Variants in VWA8 observed in about 807,000 individuals in gnomAD.
The protein encoded by VWA8 is von Willebrand factor A domain-containing protein 8.
A neutral mutation model predicts 241.5 loss-of-function variants in VWA8; 221 were observed. The ratio of observed to expected loss-of-function variants is 0.91; its 90% CI spans 0.82 to 1.02. The LOEUF (loss-of-function observed/expected upper bound fraction) is 1.02, where lower values mean the gene tolerates loss of function less well. Ranked by LOEUF, VWA8 falls within the 50% of genes least tolerant of loss-of-function variation. The pLI is 0.00. For synonymous variants in VWA8, 852 were observed against 827.1 expected, an observed-to-expected ratio of 1.03 and a Z score of -0.52; for missense variants, 2,322 against 2,328.7, an observed-to-expected ratio of 1.00 and a Z score of 0.06.
intron 9 of VWA8, among the ~76,000 whole-genome samples, chr13:41,875,917 T>C (rs774836790): frequency 8.6e-5 from 13 of 152,042 alleles, no homozygotes; most frequent in Non-Finnish European, 1.5e-4. Flanking sequence ...ATCAAATATG[T>C]CCAATACTCA....
chr13:41,948,970 A>G (rs775126798), intron 2 of VWA8, among the ~76,000 whole-genome samples: 16 of 150,834 alleles, frequency 1.1e-4, no homozygotes, highest in Admixed American at 3.3e-4. Context: ...CACACATACA[A>G]CCATACCATG....
chr13:41,745,469 G>C (rs983201474), intron 21 of VWA8, among the ~76,000 whole-genome samples: 17 of 151,998 alleles, frequency 1.1e-4, no homozygotes, highest in Non-Finnish European at 1.9e-4. Flanking sequence ...CTGACAAAGG[G>C]CTAATATCCA....
intron 2 of VWA8, among the ~76,000 whole-genome samples, chr13:41,932,288 A>G (rs530024310): frequency 3.3e-5 from 5 of 152,262 alleles, no homozygotes; most frequent in African/African-American, 1.2e-4. Context: ...TTGAATGACT[A>G]TATCTATGAA....
intron 38 of VWA8, among the ~76,000 whole-genome samples, chr13:41,614,386 G>C (rs1447137841): frequency 6.6e-6 from 1 of 152,180 alleles, no homozygotes; most frequent in Non-Finnish European, 1.5e-5. Context: ...GAGGAAAAAG[G>C]AAGACGGCAG....
At chr13:41,931,572 C>T (rs1406161312) in intron 2 of VWA8, among the ~76,000 whole-genome samples, 1 of 151,878 alleles carries the variant, frequency 6.6e-6, no homozygotes, top group African/African-American at 2.4e-5. Context: ...TTTTTAGCTG[C>T]TTTTGCCAAA....
At chr13:41,718,119 C>A (rs540359417) in intron 26 of VWA8, among the ~76,000 whole-genome samples, 1 of 151,798 alleles carries the variant, frequency 6.6e-6, no homozygotes. Context: ...TATTTATAGT[C>A]ATGCAAGAGT....
At chr13:41,808,444 G>A (rs921693626) in intron 17 of VWA8, among the ~76,000 whole-genome samples, 2 of 152,116 alleles carry the variant, frequency 1.3e-5, no homozygotes, top group Non-Finnish European at 2.9e-5. Flanking sequence ...CACATTGTCA[G>A]AGCAGGAGAA....
At chr13:41,918,758 C>T (rs1429029409) in intron 2 of VWA8, among the ~76,000 whole-genome samples, 1 of 151,770 alleles carries the variant, frequency 6.6e-6, no homozygotes, top group African/African-American at 2.4e-5. Context: ...GGTAAGAAAA[C>T]ATTCTGTATA....
intron 26 of VWA8, among the ~76,000 whole-genome samples, chr13:41,719,049 C>A (rs2045364774): frequency 6.6e-6 from 1 of 151,812 alleles, no homozygotes; most frequent in African/African-American, 2.4e-5. Context: ...AAGTAGTAGC[C>A]TATGATTATA....
chr13:41,691,019 C>T (rs1405949799), intron 32 of VWA8, among the ~76,000 whole-genome samples: 1 of 152,050 alleles, frequency 6.6e-6, no homozygotes, highest in Non-Finnish European at 1.5e-5. Context: ...TGAAGTGTCT[C>T]CAGTTTAGCA....
chr13:41,613,318 G>C (rs529839318), intron 38 of VWA8, among the ~76,000 whole-genome samples: 1 of 152,120 alleles, frequency 6.6e-6, no homozygotes, highest in South Asian at 2.1e-4. Flanking sequence ...ATGGGTGGTG[G>C]AAAATTCCTT....
At position 41,677,095 on chromosome 13, in the gene VWA8, CT is replaced by C. The variant is rs533508830; in HGVS notation, c.4328-1800del. On this transcript the variant is annotated intron_variant, in intron 35 of 44. Coordinates refer to ENST00000379310, the MANE Select transcript of VWA8 (RefSeq NM_015058.2). ...TTAGACTTTAGGAATATTTATCTTT[CT>C]TTTGGGATTTCAACATTTGGGGTTA... is the stretch of plus-strand genomic sequence containing the variant. Among the ~76,000 whole-genome samples the C allele has an allele frequency of 4.9e-4, 74 of 151,988 alleles. 2 individuals are homozygous for C. The East Asian group carries it at 0.014, about 28-fold the overall frequency.
rs576011594 is a variant in VWA8, at chr13:41,957,466, T to C, written c.163+3387A>G. ...TTATAGCAGTGTGAGAACAGATTAA[T>C]ACAGTGGTGCACACCTGTAGTCCCA... On this transcript the variant is annotated intron_variant, in intron 1 of 44. Coordinates refer to ENST00000379310, the MANE Select transcript of VWA8 (RefSeq NM_015058.2). Among the ~76,000 whole-genome samples, 4 of 152,218 alleles carry C rather than the reference T, an allele frequency of 2.6e-5. No individual in the cohort carries two copies. In the South Asian group the frequency reaches 8.3e-4, roughly 32 times the overall value.
intron 19 of VWA8, among the ~76,000 whole-genome samples, chr13:41,779,938 G>C (rs1868809879): frequency 6.6e-6 from 1 of 152,012 alleles, no homozygotes; most frequent in Non-Finnish European, 1.5e-5. Context: ...TCTCTTCTTA[G>C]CCTCTTGACC....
chr13:41,791,515 TAG>T (rs748098034), intron 17 of VWA8, among the ~76,000 whole-genome samples: 2 of 151,912 alleles, frequency 1.3e-5, no homozygotes, highest in Non-Finnish European at 3.0e-5. Context: ...TCTCCATCTC[TAG>T]AGAGAACTCT....
chr13:41,960,759 G>A, intron 1 of VWA8, 94 bp downstream of exon 1: 2 of 1,404,064 alleles, frequency 1.4e-6, no homozygotes, highest in South Asian at 1.5e-5. Context: ...CCTTCCAAGC[G>A]CAGCGAAGCA....
intron 20 of VWA8, among the ~76,000 whole-genome samples, chr13:41,767,417 C>A (rs539473688): frequency 3.5e-4 from 53 of 152,222 alleles, no homozygotes; most frequent in African/African-American, 1.1e-3. Flanking sequence ...AATAGAGAGG[C>A]CTTAGACAAG....
Position 41,605,231 on chromosome 13 carries a change from T to C in VWA8, c.4923A>G (p.Glu1641=), listed in dbSNP as rs757293146. The C allele has an allele frequency of 1.2e-6, 2 of 1,613,206 alleles. No homozygotes were observed. Among genetic ancestry groups the C allele is most frequent in the Non-Finnish European group, 1.7e-6 (2 of 1,179,368 alleles). ...QMSEYDAATY[E]RFSGAVRRQV... is the part of the protein sequence containing the mutation. ...GTCGCCGAACAGCACCTGAAAACCTTTCATAGGTTGCAGCATCGTATTCAC... is the reference window on the plus strand; with the variant it reads ...GTCGCCGAACAGCACCTGAAAACCTCTCATAGGTTGCAGCATCGTATTCAC... Residue 1641 remains glutamate (E), a synonymous_variant, in exon 40 of 45, where the codon GAA becomes GAG. Coordinates refer to ENST00000379310, the MANE Select transcript of VWA8 (RefSeq NM_015058.2).
intron 17 of VWA8, among the ~76,000 whole-genome samples, chr13:41,809,957 CAAAAG>C (rs1256733504): frequency 6.6e-6 from 1 of 151,900 alleles, no homozygotes; most frequent in Non-Finnish European, 1.5e-5. Context: ...AGAAATTTCT[CAAAAG>C]AAGAGATACA....
Sources: allele counts gnomAD v4.1 joint callset (sites outside exome capture counted in the v4.1 genomes callset), GRCh38; gene constraint gnomAD v4.1.1; transcripts MANE v1.5; gene names NCBI Gene and HGNC (gene_info 2026-07-23, HGNC 2026-07-21).